Variants in DIRAS2 observed in about 807,000 individuals in gnomAD.
The protein encoded by DIRAS2 is DIRAS family GTPase 2.
DIRAS2 carries 5 observed loss-of-function variants against 13.9 expected under a neutral mutation model. The ratio of observed to expected loss-of-function variants is 0.36; its 90% confidence interval spans 0.19 to 0.76. DIRAS2 has a LOEUF of 0.76. Among genes scored for constraint, DIRAS2 ranks in the 30% least tolerant of loss-of-function variants. DIRAS2 has a pLI of 0.53. For missense variants in DIRAS2, 191 were observed against 263.0 expected, an observed-to-expected ratio of 0.73 and a Z score of 1.89; for synonymous variants, 111 against 105.4, an observed-to-expected ratio of 1.05 and a Z score of -0.33.
At chr9:90,639,704 G>C (rs565401655) in intron 1 of DIRAS2, among the ~76,000 whole-genome samples, 1 of 152,202 alleles carries the variant, frequency 6.6e-6, no homozygotes, top group South Asian at 2.1e-4. Flanking sequence ...TGGATCCCTC[G>C]TATCTACTCA....
rs989005477 is a variant in DIRAS2, at chr9:90,612,487, G to C, written c.*741C>G. 1 of 152,222 alleles carries C rather than the reference G, an allele frequency of 6.6e-6. No homozygotes were observed. The highest frequency in any genetic ancestry group is 1.5e-5 in the Non-Finnish European group (1 of 68,046). 9.4% of individuals were successfully genotyped at this position (152,222 alleles called of 1,614,324 possible). A position where few individuals can be genotyped will look rare whatever the true frequency, so the allele number is the denominator to read the frequency against. ...GTATAACACACAGGAACATTATTGC[G>C]ATGTTTTAATACTGTCACGATATCC... On this transcript the variant is annotated 3_prime_UTR_variant, in exon 2 of 2. Transcript: ENST00000375765.
chr9:90,639,443 CTGTTCATTAGTTTTA>C (rs1265553806), intron 1 of DIRAS2, among the ~76,000 whole-genome samples: 11 of 152,106 alleles, frequency 7.2e-5, no homozygotes, highest in African/African-American at 2.7e-4. Flanking sequence ...AGCCCACTAG[CTGTTCATTAGTTTTA>C]TAATGGGTTT....
intron 1 of DIRAS2, among the ~76,000 whole-genome samples, chr9:90,642,150 T>A (rs1195331168): frequency 6.6e-6 from 1 of 152,262 alleles, no homozygotes; most frequent in African/African-American, 2.4e-5. Flanking sequence ...TCAGCAGTCA[T>A]TGTCATCTGA....
intron 1 of DIRAS2, among the ~76,000 whole-genome samples, chr9:90,635,031 A>G (rs750491143): frequency 3.9e-5 from 6 of 152,224 alleles, no homozygotes; most frequent in South Asian, 4.1e-4. Context: ...GCCCCGTTTT[A>G]CAGATAAGAG....
chr9:90,634,394 T>C (rs981110064), intron 1 of DIRAS2, among the ~76,000 whole-genome samples: 1 of 152,134 alleles, frequency 6.6e-6, no homozygotes, highest in African/African-American at 2.4e-5. Flanking sequence ...AGGTTAGCAA[T>C]AGGAGGGAAT....
chr9:90,642,796 C>G lies in DIRAS2; in HGVS notation c.-81G>C, dbSNP rs1336356616. ...CGCTCAGAGCTTCTTCAGAGCTCCA[C>G]TCGCGCAGGACAGGGCAGCGCAGGG... is the stretch of plus-strand genomic sequence containing the variant. On this transcript the variant is annotated 5_prime_UTR_variant, in exon 1 of 2. Coordinates refer to ENST00000375765, the MANE Select transcript of DIRAS2 (RefSeq NM_017594.5). 6.6e-6 allele frequency: 1 copy of G among 152,354 alleles called. No individual in the cohort carries two copies. The highest frequency in any genetic ancestry group is 1.9e-4 in the East Asian group (1 of 5,194). The allele number at this position is 152,354 out of a possible 1,614,324, so 9.4% of individuals were successfully genotyped here. A position where few individuals can be genotyped will look rare whatever the true frequency, so the allele number is the denominator to read the frequency against.
intron 1 of DIRAS2, among the ~76,000 whole-genome samples, chr9:90,638,767 C>T (rs1248140462): frequency 6.6e-6 from 1 of 151,816 alleles, no homozygotes; most frequent in African/African-American, 2.4e-5. Context: ...AAATAGAGAG[C>T]TGAGTGGACT....
intron 1 of DIRAS2, among the ~76,000 whole-genome samples, chr9:90,615,008 T>A (rs690111): frequency 1.3e-5 from 2 of 151,972 alleles, no homozygotes; most frequent in African/African-American, 2.4e-5. Context: ...TTTTTAAAAC[T>A]GAAGTTGATA....
intron 1 of DIRAS2, among the ~76,000 whole-genome samples, chr9:90,632,475 C>T (rs1245295540): frequency 5.3e-5 from 8 of 152,320 alleles, no homozygotes; most frequent in Admixed American, 3.9e-4. Context: ...CCCTGACCAC[C>T]CTATCTCAAT....
intron 1 of DIRAS2, among the ~76,000 whole-genome samples, chr9:90,640,675 C>A (rs1315251279): frequency 1.3e-5 from 2 of 152,172 alleles, no homozygotes; most frequent in African/African-American, 2.4e-5. Flanking sequence ...TAGAGGCAAT[C>A]CACCATATGA....
chr9:90,642,145 A>C (rs1008275358), intron 1 of DIRAS2, among the ~76,000 whole-genome samples: 4 of 152,278 alleles, frequency 2.6e-5, no homozygotes, highest in African/African-American at 9.6e-5. Context: ...AGCTGTCAGC[A>C]GTCATTGTCA....
chr9:90,631,371 A>G (rs1825323448), intron 1 of DIRAS2, among the ~76,000 whole-genome samples: 1 of 152,232 alleles, frequency 6.6e-6, no homozygotes, highest in Non-Finnish European at 1.5e-5. Context: ...AAGCACAGGG[A>G]AAAGGTCAAC....
Position 90,625,537 on chromosome 9 carries a change from A to G in DIRAS2, c.-36-11674T>C, listed in dbSNP as rs74317773. Among the ~76,000 whole-genome samples, 641 of 152,284 alleles carry G rather than the reference A, an allele frequency of 4.2e-3. 4 individuals are homozygous for G. The highest frequency in any genetic ancestry group is 0.014 in the African/African-American group (601 of 41,558). On this transcript the variant is annotated intron_variant, in intron 1 of 1. Transcript: ENST00000375765. Reference sequence around the variant, plus strand: ...TGTCCAACTTCATTATTTTACATGTAGATATCCATTTATCCCACCACCATT... The same window carrying G: ...TGTCCAACTTCATTATTTTACATGTGGATATCCATTTATCCCACCACCATT...
At chr9:90,634,926 C>G (rs1587726847) in intron 1 of DIRAS2, among the ~76,000 whole-genome samples, 1 of 152,154 alleles carries the variant, frequency 6.6e-6, no homozygotes, top group South Asian at 2.1e-4. Flanking sequence ...TAGCAACGAC[C>G]CAAACAGCCT....
intron 1 of DIRAS2, among the ~76,000 whole-genome samples, chr9:90,622,285 C>T (rs1825226218): frequency 1.3e-5 from 2 of 152,030 alleles, no homozygotes; most frequent in South Asian, 4.1e-4. Flanking sequence ...TTCATACATA[C>T]ATACATACAT....
At chr9:90,631,803 T>G (rs552478869) in intron 1 of DIRAS2, among the ~76,000 whole-genome samples, 1 of 152,242 alleles carries the variant, frequency 6.6e-6, no homozygotes, top group East Asian at 1.9e-4. Context: ...CATCTCCCCC[T>G]GGGTGCCATG....
chr9:90,638,081 C>T (rs1474220748), intron 1 of DIRAS2, among the ~76,000 whole-genome samples: 1 of 152,068 alleles, frequency 6.6e-6, no homozygotes, highest in Non-Finnish European at 1.5e-5. Context: ...TTTAGTATTT[C>T]AGTTTGAGTT....
intron 1 of DIRAS2, among the ~76,000 whole-genome samples, chr9:90,620,584 C>T (rs1188638278): frequency 1.3e-5 from 2 of 151,932 alleles, no homozygotes; most frequent in African/African-American, 2.4e-5. Context: ...TGGTGAAACC[C>T]GTCTCTAGTA....
intron 1 of DIRAS2, among the ~76,000 whole-genome samples, chr9:90,631,670 T>G (rs1825326380): frequency 6.6e-6 from 1 of 152,114 alleles, no homozygotes; most frequent in Non-Finnish European, 1.5e-5. Flanking sequence ...GCTACTCTAC[T>G]CACTCAGTCA....
Sources: allele counts gnomAD v4.1 joint callset (sites outside exome capture counted in the v4.1 genomes callset), GRCh38; gene constraint gnomAD v4.1.1; transcripts MANE v1.5; gene names NCBI Gene and HGNC (gene_info 2026-07-23, HGNC 2026-07-21).